The following DRC2 variants were observed in gnomAD, a reference collection of about 807,000 sequenced individuals.
DRC2 encodes the protein dynein regulatory complex subunit 2, also known as coiled-coil domain containing 65.
chr12:48,918,787 C>A, the DRC2 span: 1 of 1,614,110 alleles, frequency 6.2e-7, no homozygotes, highest in Non-Finnish European at 8.5e-7. Context: ...CCTTGTACAA[C>A]TGCGAAAACT....
chr12:48,914,384 ACTCT>A, the DRC2 span: 94 of 1,568,556 alleles, frequency 6.0e-5, no homozygotes, highest in Non-Finnish European at 7.7e-5. Context: ...TGGAATGGTA[ACTCT>A]CTCTTTCTGG....
the DRC2 span, among the ~76,000 whole-genome samples, chr12:48,908,604 A>ATTTATTTAT: frequency 6.8e-4 from 75 of 110,904 alleles, no homozygotes; most frequent in African/African-American, 2.0e-3. Context: ...TATTATTATT[A>ATTTATTTAT]TTATTTATTT....
chr12:48,909,411 G>A, the DRC2 span, among the ~76,000 whole-genome samples: 39 of 152,074 alleles, frequency 2.6e-4, no homozygotes, highest in Non-Finnish European at 5.4e-4. Context: ...GCTATTCCCC[G>A]TATCTGGAAT....
chr12:48,909,470 T>C, the DRC2 span, among the ~76,000 whole-genome samples: 1 of 151,000 alleles, frequency 6.6e-6, no homozygotes, highest in African/African-American at 2.5e-5. Context: ...TTCTTATTAT[T>C]TTTATTTTTA....
At chr12:48,918,242 C>G in the DRC2 span, 1 of 1,606,104 alleles carries the variant, frequency 6.2e-7, no homozygotes, top group Non-Finnish European at 8.5e-7. Flanking sequence ...TAAGGTAATT[C>G]CAAACATTTG....
At chr12:48,914,424 C>G in the DRC2 span, 39 of 1,611,926 alleles carry the variant, frequency 2.4e-5, no homozygotes, top group East Asian at 7.8e-4. Flanking sequence ...AAGACCTGTC[C>G]GAAGCCGAGG....
At chr12:48,916,471 G>A in the DRC2 span, among the ~76,000 whole-genome samples, 507 of 151,596 alleles carry the variant, frequency 3.3e-3, 5 homozygotes, top group African/African-American at 0.012. Context: ...GTGGAGGCGC[G>A]CGCCTGCAAT....
the DRC2 span, among the ~76,000 whole-genome samples, chr12:48,915,891 C>T: frequency 0.32 from 47,534 of 146,932 alleles, 8,313 homozygotes; most frequent in Admixed American, 0.47. Context: ...GACGGGGCGG[C>T]TGGGCAGAGA....
chr12:48,908,971 A>T, the DRC2 span, among the ~76,000 whole-genome samples: 48 of 151,488 alleles, frequency 3.2e-4, no homozygotes, highest in African/African-American at 1.1e-3. Flanking sequence ...ACAGGAAAAA[A>T]TCCAGACTCC....
chr12:48,912,421 G>A, the DRC2 span, among the ~76,000 whole-genome samples: 1 of 53,126 alleles, frequency 1.9e-5, no homozygotes, highest in African/African-American at 7.5e-5. Context: ...CTGGGCAACA[G>A]AGCGAGACGC....
chr12:48,920,133 A>AG, the DRC2 span, among the ~76,000 whole-genome samples: 5 of 149,266 alleles, frequency 3.3e-5, no homozygotes, highest in African/African-American at 1.2e-4. Flanking sequence ...AAAAAAAAAA[A>AG]AAAAGAATTA....
At chr12:48,910,576 T>C in the DRC2 span, among the ~76,000 whole-genome samples, 1 of 152,218 alleles carries the variant, frequency 6.6e-6, no homozygotes, top group African/African-American at 2.4e-5. Flanking sequence ...ACACTCACAT[T>C]ATTCAAAATT....
At chr12:48,918,302 C>T in the DRC2 span, 1 of 1,614,194 alleles carries the variant, frequency 6.2e-7, no homozygotes, top group Non-Finnish European at 8.5e-7. Flanking sequence ...CTTTCTAAGA[C>T]TGCACCTGGA....
At chr12:48,904,249 C>T in the DRC2 span, 1 of 1,509,062 alleles carries the variant, frequency 6.6e-7, no homozygotes, top group African/African-American at 1.4e-5. Context: ...TCTGGAAGTC[C>T]CCTTTCTAGG....
the DRC2 span, chr12:48,904,504 A>G: frequency 1.3e-6 from 2 of 1,599,502 alleles, no homozygotes; most frequent in Non-Finnish European, 1.7e-6. Flanking sequence ...GCTCAACCCC[A>G]TCCACCCCCT....
At chr12:48,908,949 G>A in the DRC2 span, among the ~76,000 whole-genome samples, 3 of 151,276 alleles carry the variant, frequency 2.0e-5, no homozygotes, top group African/African-American at 7.3e-5. Flanking sequence ...AATCTTAGTG[G>A]TTCCCCCATC....
At chr12:48,911,269 T>A in the DRC2 span, among the ~76,000 whole-genome samples, 1 of 152,070 alleles carries the variant, frequency 6.6e-6, no homozygotes, top group African/African-American at 2.4e-5. Flanking sequence ...ATTTTAGAAA[T>A]AGAGATGGGG....
At chr12:48,914,691 C>A in the DRC2 span, 57 of 934,346 alleles carry the variant, frequency 6.1e-5, no homozygotes, top group Non-Finnish European at 7.9e-5. Context: ...TTGATTATCA[C>A]GGGACCCCCA....
chr12:48,906,302 AT>A, the DRC2 span, among the ~76,000 whole-genome samples: 1,063 of 134,758 alleles, frequency 7.9e-3, 1 homozygote, highest in African/African-American at 0.011. Context: ...CACCTTATGG[AT>A]TTTTTTTTTT....
Sources: allele counts gnomAD v4.1 joint callset (sites outside exome capture counted in the v4.1 genomes callset), GRCh38; gene constraint gnomAD v4.1.1; transcripts MANE v1.5; gene names NCBI Gene and HGNC (gene_info 2026-07-23, HGNC 2026-07-21).